MSRA: variants seen among roughly 807,000 people sequenced by gnomAD.
The protein encoded by MSRA is mitochondrial peptide methionine sulfoxide reductase.
In MSRA, 54 loss-of-function variants were observed where a neutral mutation model predicts 31.3. The ratio of observed to expected loss-of-function variants is 1.73; its 90% CI spans 1.39 to 2.17. MSRA has a LOEUF of 2.17. Ranked by LOEUF, MSRA falls within the 30% of genes most tolerant of loss-of-function variation. The pLI is 0.00. For synonymous variants in MSRA, 169 were observed against 116.5 expected, an observed-to-expected ratio of 1.45 and a Z score of -2.90; for missense variants, 507 against 300.9, an observed-to-expected ratio of 1.69 and a Z score of -5.07.
intron 5 of MSRA, among the ~76,000 whole-genome samples, chr8:10,321,214 TTTTA>T (rs1375273987): frequency 6.6e-6 from 1 of 152,218 alleles, no homozygotes; most frequent in African/African-American, 2.4e-5. Context: ...AGTACTTGTA[TTTTA>T]TTTATCATTA....
intron 5 of MSRA, among the ~76,000 whole-genome samples, chr8:10,402,130 C>T (rs771613028): frequency 5.9e-5 from 9 of 152,310 alleles, no homozygotes; most frequent in Non-Finnish European, 1.2e-4. Context: ...CCTTAGCTCT[C>T]CTAGTGCATT....
intron 1 of MSRA, among the ~76,000 whole-genome samples, chr8:10,160,574 G>C (rs578185199): frequency 6.6e-6 from 1 of 151,302 alleles, no homozygotes; most frequent in African/African-American, 2.4e-5. Flanking sequence ...TATTTTTTCC[G>C]TTTCATGAAT....
intron 3 of MSRA, among the ~76,000 whole-genome samples, chr8:10,282,629 TC>T (rs1164181772): frequency 1.3e-5 from 2 of 152,150 alleles, no homozygotes; most frequent in African/African-American, 4.8e-5. Context: ...TGTTCTCTGA[TC>T]AGTGAGTGGT....
chr8:10,416,228 G>A (rs968410980), intron 5 of MSRA, among the ~76,000 whole-genome samples: 2 of 152,196 alleles, frequency 1.3e-5, no homozygotes, highest in Non-Finnish European at 2.9e-5. Flanking sequence ...TGCCTAGCCC[G>A]GTCCTTGACA....
At chr8:10,373,720 C>T (rs901576883) in intron 5 of MSRA, among the ~76,000 whole-genome samples, 18 of 152,194 alleles carry the variant, frequency 1.2e-4, no homozygotes, top group Admixed American at 2.6e-4. Flanking sequence ...AGTGAGGGCA[C>T]GTGCCGGGGG....
intron 3 of MSRA, among the ~76,000 whole-genome samples, chr8:10,268,033 G>C (rs1798836573): frequency 6.6e-6 from 1 of 152,110 alleles, no homozygotes; most frequent in Non-Finnish European, 1.5e-5. Flanking sequence ...TCCCTGCTGT[G>C]AGAGCAGGAA....
intron 1 of MSRA, 77 bp downstream of exon 1, chr8:10,054,735 T>C: frequency 7.3e-7 from 1 of 1,370,306 alleles, no homozygotes; most frequent in African/African-American, 1.5e-5. Context: ...GCGCGCCCGC[T>C]GCCCGGAAGG....
At chr8:10,318,667 T>C (rs11775348) in intron 4 of MSRA, among the ~76,000 whole-genome samples, 5,853 of 152,316 alleles carry the variant, frequency 0.038, 174 homozygotes, top group Non-Finnish European at 0.065. Flanking sequence ...GTTTGTTTTG[T>C]GATTCAATGG....
intron 3 of MSRA, among the ~76,000 whole-genome samples, chr8:10,256,727 A>C (rs1036586305): frequency 1.3e-5 from 2 of 152,184 alleles, no homozygotes; most frequent in African/African-American, 4.8e-5. Flanking sequence ...GCATGTGTCC[A>C]TTCTTCCCTT....
chr8:10,107,136 G>A (rs917285441), intron 1 of MSRA, among the ~76,000 whole-genome samples: 2 of 152,176 alleles, frequency 1.3e-5, no homozygotes, highest in African/African-American at 2.4e-5. Context: ...GCCAAGCGCA[G>A]TGACTGTTAG....
chr8:10,113,652 G>A (rs1214324715), intron 1 of MSRA, among the ~76,000 whole-genome samples: 1 of 151,992 alleles, frequency 6.6e-6, no homozygotes, highest in Non-Finnish European at 1.5e-5. Flanking sequence ...GAGAAATGTG[G>A]GAGGCTGGTT....
chr8:10,424,723 C>T (rs779968908), intron 5 of MSRA, among the ~76,000 whole-genome samples: 1 of 152,140 alleles, frequency 6.6e-6, no homozygotes, highest in East Asian at 1.9e-4. Flanking sequence ...TGATTCGGGG[C>T]CAGGGAGAGG....
At chr8:10,251,698 A>T (rs573070156) in intron 3 of MSRA, among the ~76,000 whole-genome samples, 2 of 152,162 alleles carry the variant, frequency 1.3e-5, no homozygotes, top group South Asian at 4.1e-4. Flanking sequence ...CCCACATCCA[A>T]GCAGCTATGC....
At chr8:10,109,947 C>T (rs1288404129) in intron 1 of MSRA, among the ~76,000 whole-genome samples, 1 of 152,090 alleles carries the variant, frequency 6.6e-6, no homozygotes, top group East Asian at 1.9e-4. Context: ...TTTTGGTTTC[C>T]ACATATGTAA....
intron 3 of MSRA, among the ~76,000 whole-genome samples, chr8:10,260,717 G>A (rs759366750): frequency 1.3e-5 from 2 of 152,038 alleles, no homozygotes; most frequent in Admixed American, 6.6e-5. Flanking sequence ...AAAAGCAAAC[G>A]AGATTAATAA....
chr8:10,168,533 T>C lies in MSRA; in HGVS notation c.143-39300T>C, dbSNP rs6601418. 4.2e-3 allele frequency among the ~76,000 whole-genome samples: 640 copies of C among 152,316 alleles called. 11 individuals carry two copies. Among genetic ancestry groups the C allele is most frequent in the African/African-American group, 0.014 (601 of 41,564 alleles). ...AAAGTAGGGAGGAGGGAAGTAGCAT[T>C]GATTTAATATTTAAACAGTACCATT... On this transcript the variant is annotated intron_variant, in intron 1 of 5. Coordinates refer to ENST00000317173, the MANE Select transcript of MSRA (RefSeq NM_012331.5).
At chr8:10,300,813 G>T (rs1239472589) in intron 3 of MSRA, among the ~76,000 whole-genome samples, 1 of 152,070 alleles carries the variant, frequency 6.6e-6, no homozygotes, top group Non-Finnish European at 1.5e-5. Context: ...AGAAGGACAT[G>T]AATTTCACAG....
intron 5 of MSRA, among the ~76,000 whole-genome samples, chr8:10,384,719 A>G (rs545647195): frequency 1.3e-5 from 2 of 152,304 alleles, no homozygotes; most frequent in African/African-American, 4.8e-5. Context: ...TAAAGAAAAA[A>G]TAAAATGGCC....
chr8:10,227,417 G>C (rs551774723), intron 2 of MSRA, among the ~76,000 whole-genome samples: 1 of 152,236 alleles, frequency 6.6e-6, no homozygotes, highest in South Asian at 2.1e-4. Context: ...GGTAATTTGA[G>C]CTTTGACTGA....
Sources: allele counts gnomAD v4.1 joint callset (sites outside exome capture counted in the v4.1 genomes callset), GRCh38; gene constraint gnomAD v4.1.1; transcripts MANE v1.5; gene names NCBI Gene and HGNC (gene_info 2026-07-23, HGNC 2026-07-21).